The following FER variants were observed in gnomAD, a reference collection of about 807,000 sequenced individuals.
The protein encoded by FER is tyrosine-protein kinase Fer.
In FER, 63 loss-of-function variants were observed where a neutral mutation model predicts 111.0. That is an observed-to-expected ratio of 0.57 (90% CI 0.46 to 0.70). The LOEUF (loss-of-function observed/expected upper bound fraction) is 0.70, where lower values mean the gene tolerates loss of function less well. Among genes scored for constraint, FER ranks in the 30% least tolerant of loss-of-function variants. The probability of loss-of-function intolerance (pLI) is 0.00; values close to 1 mark genes in which losing one functional copy is unlikely to be tolerated. For synonymous variants in FER, 327 were observed against 313.9 expected (o/e 1.04, Z -0.44); for missense variants, 914 against 954.0 (o/e 0.96, Z 0.55).
At chr5:108,842,705 T>C (rs1761390953) in intron 5 of FER, 1 of 152,082 alleles carries the variant, frequency 6.6e-6, no homozygotes, top group Non-Finnish European at 1.5e-5. Context: ...ACCTCCTTAC[T>C]CCTGCAAGAA....
At chr5:108,915,674 T>C (rs1752178574) in intron 10 of FER, among the ~76,000 whole-genome samples, 1 of 151,946 alleles carries the variant, frequency 6.6e-6, no homozygotes, top group Admixed American at 6.6e-5. Flanking sequence ...CCCCAGTTTT[T>C]TGTTGCTAAG....
At chr5:108,819,867 G>A (rs1758662755) in intron 3 of FER, 1 of 985,156 alleles carries the variant, frequency 1.0e-6, no homozygotes, top group East Asian at 1.1e-4. Context: ...GTCTATTTGA[G>A]GAGTTTGAAA....
intron 13 of FER, among the ~76,000 whole-genome samples, chr5:109,027,699 C>T (rs576155117): frequency 6.5e-4 from 99 of 152,248 alleles, no homozygotes; most frequent in African/African-American, 2.1e-3. Flanking sequence ...TACCCTGTAG[C>T]AGTCCACCAA....
intron 17 of FER, among the ~76,000 whole-genome samples, chr5:109,119,824 T>TA (rs753491665): frequency 6.6e-5 from 10 of 152,142 alleles, no homozygotes; most frequent in Admixed American, 2.0e-4. Context: ...TCAACTGGGG[T>TA]AAAATGACAT....
chr5:109,029,234 T>C (rs571556738), intron 13 of FER, among the ~76,000 whole-genome samples: 3,441 of 149,390 alleles, frequency 0.023, 63 homozygotes, highest in Non-Finnish European at 0.032. Context: ...TTTTTTTTTT[T>C]TTCTTCTTAC....
At chr5:109,008,065 C>A (rs952185815) in intron 13 of FER, among the ~76,000 whole-genome samples, 1 of 152,126 alleles carries the variant, frequency 6.6e-6, no homozygotes, top group Admixed American at 6.5e-5. Context: ...TATTTGTGAT[C>A]TGTATGTCTT....
rs375451916 is a variant in FER at position 108,967,587 on chromosome 5, C to A, written c.1656+8240C>A. Among the ~76,000 whole-genome samples the A allele has an allele frequency of 8.6e-5, 13 of 151,814 alleles. No homozygotes were observed. In the East Asian group the frequency reaches 9.7e-4, roughly 11 times the overall value. Reference sequence around the variant, plus strand: ...GACCAGCTTGGCCAATATGGTGAAACCCTCTCTACTAAAAATACAAAAATT... The same window carrying A: ...GACCAGCTTGGCCAATATGGTGAAAACCTCTCTACTAAAAATACAAAAATT... On this transcript the variant is annotated intron_variant, in intron 13 of 19. Coordinates refer to ENST00000281092, the MANE Select transcript of FER (RefSeq NM_005246.4).
intron 2 of FER, among the ~76,000 whole-genome samples, chr5:108,771,921 T>A (rs1752941097): frequency 6.6e-6 from 1 of 152,200 alleles, no homozygotes; most frequent in Non-Finnish European, 1.5e-5. Flanking sequence ...TTGGCTGCTA[T>A]GACAAAATAC....
chr5:108,845,205 T>C (rs1484431387), intron 5 of FER, among the ~76,000 whole-genome samples: 1 of 151,116 alleles, frequency 6.6e-6, no homozygotes, highest in Non-Finnish European at 1.5e-5. Flanking sequence ...GGTGTCTTGC[T>C]CTGTCGCCCA....
At chr5:109,023,056 G>C (rs1194596578) in intron 13 of FER, among the ~76,000 whole-genome samples, 1 of 152,046 alleles carries the variant, frequency 6.6e-6, no homozygotes, top group Non-Finnish European at 1.5e-5. Flanking sequence ...TGTAAAGGGA[G>C]GATGGAAGCA....
chr5:109,052,593 C>T lies in FER; in HGVS notation c.1924+5395C>T, dbSNP rs1772997549. On this transcript the variant is annotated intron_variant, in intron 16 of 19. Coordinates refer to ENST00000281092, the MANE Select transcript of FER (RefSeq NM_005246.4). ...CTATTTAAAGTTTAAAACTCCGCTG[C>T]TGTTTGTTACTTTCCTCACACCTTC... 1.4e-5 allele frequency: 8 copies of T among 583,280 alleles called. No individual in the cohort carries two copies. In the South Asian group the frequency reaches 1.6e-4, roughly 11 times the overall value. The allele number at this position is 583,280 out of a possible 1,614,324, so 36.1% of individuals were successfully genotyped here.
At chr5:109,039,030 T>A (rs1770782969) in intron 14 of FER, among the ~76,000 whole-genome samples, 1 of 152,048 alleles carries the variant, frequency 6.6e-6, no homozygotes. Context: ...GTAGCTTAAT[T>A]TCATCCAGTA....
intron 16 of FER, among the ~76,000 whole-genome samples, chr5:109,062,505 G>A (rs1381956018): frequency 6.6e-6 from 1 of 152,004 alleles, no homozygotes; most frequent in Non-Finnish European, 1.5e-5. Context: ...CAGTCTGGGT[G>A]ACAGAGTGAG....
chr5:109,083,672 T>G (rs1693417620), intron 16 of FER, among the ~76,000 whole-genome samples: 1 of 152,044 alleles, frequency 6.6e-6, no homozygotes, highest in Admixed American at 6.6e-5. Context: ...ATATTAAGAA[T>G]GCAAGACCGT....
At chr5:108,772,326 A>ATC in intron 2 of FER, among the ~76,000 whole-genome samples, 1 of 149,424 alleles carries the variant, frequency 6.7e-6, no homozygotes, top group Non-Finnish European at 1.5e-5. Context: ...GTATGTATAT[A>ATC]TATATACACA....
chr5:109,106,801 GT>G (rs1373415220), intron 17 of FER, among the ~76,000 whole-genome samples: 1 of 152,134 alleles, frequency 6.6e-6, no homozygotes, highest in South Asian at 2.1e-4. Context: ...TGTGTAATAT[GT>G]TTCCAGGAAT....
At chr5:108,877,247 A>T (rs1765179533) in intron 8 of FER, among the ~76,000 whole-genome samples, 1 of 152,178 alleles carries the variant, frequency 6.6e-6, no homozygotes, top group African/African-American at 2.4e-5. Flanking sequence ...GAACATATAC[A>T]GTATTATAAT....
chr5:109,117,502 A>G (rs1449770313), intron 17 of FER, among the ~76,000 whole-genome samples: 1 of 152,134 alleles, frequency 6.6e-6, no homozygotes, highest in Admixed American at 6.6e-5. Flanking sequence ...AAATTTTTAT[A>G]ATAATTTGCT....
intron 5 of FER, among the ~76,000 whole-genome samples, chr5:108,863,980 T>G (rs1763785139): frequency 6.6e-6 from 1 of 152,170 alleles, no homozygotes; most frequent in Non-Finnish European, 1.5e-5. Flanking sequence ...ACTCTAGTTT[T>G]AGAACATGTT....
Sources: gnomAD v4.1 joint callset for allele counts (sites outside exome capture counted in the v4.1 genomes callset) on GRCh38, gnomAD v4.1.1 for gene constraint, MANE v1.5 for transcripts, NCBI Gene and HGNC (gene_info 2026-07-23, HGNC 2026-07-21) for gene names.